Variants in WDFY3 observed in about 807,000 individuals in gnomAD.
WDFY3 encodes the protein WD repeat and FYVE domain containing 3, also known as WD repeat and FYVE domain-containing protein 3.
A neutral mutation model predicts 409.6 loss-of-function variants in WDFY3; 66 were observed. The ratio of observed to expected loss-of-function variants is 0.16; its 90% CI spans 0.13 to 0.20. The LOEUF (loss-of-function observed/expected upper bound fraction) is 0.20, where lower values mean the gene tolerates loss of function less well. Among genes scored for constraint, WDFY3 ranks in the 10% least tolerant of loss-of-function variants. The pLI, the probability that WDFY3 is intolerant of heterozygous loss-of-function variation, is 1.00. For synonymous variants in WDFY3, 1,521 were observed against 1,537.1 expected (o/e 0.99, Z 0.25); for missense variants, 3,031 against 4,298.1 (o/e 0.71, Z 8.24).
intron 5 of WDFY3, among the ~76,000 whole-genome samples, chr4:84,846,196 CA>C (rs1428174881): frequency 6.6e-6 from 1 of 151,804 alleles, no homozygotes; most frequent in Non-Finnish European, 1.5e-5. Context: ...ATGAATTTCA[CA>C]AGCTTAAAAC....
At chr4:84,791,153 G>C (rs1748448775) in intron 21 of WDFY3, among the ~76,000 whole-genome samples, 1 of 152,148 alleles carries the variant, frequency 6.6e-6, no homozygotes, top group South Asian at 2.1e-4. Context: ...AGAGGTATCA[G>C]TACTCCCCTG....
At chr4:84,800,365 T>C (rs1750295152) in intron 17 of WDFY3, among the ~76,000 whole-genome samples, 1 of 152,190 alleles carries the variant, frequency 6.6e-6, no homozygotes, top group Non-Finnish European at 1.5e-5. Flanking sequence ...CCCAGACTTT[T>C]GGAAGGGTGG....
At chr4:84,911,439 A>G (rs1767770248) in intron 2 of WDFY3, among the ~76,000 whole-genome samples, 1 of 152,148 alleles carries the variant, frequency 6.6e-6, no homozygotes, top group African/African-American at 2.4e-5. Context: ...GTGAGGTATA[A>G]TCGCACCACT....
At position 84,884,392 on chromosome 4, in the gene WDFY3, T is replaced by C. The variant is rs980352212; in HGVS notation, c.-32+12519A>G. Among the ~76,000 whole-genome samples the C allele has an allele frequency of 5.9e-5, 9 of 152,222 alleles. No individual in the cohort carries two copies. The East Asian group carries it at 1.2e-3, about 20-fold the overall frequency. ...ATTTAATATACACTTAGAGTATATA[T>C]ACACTTGTACTCTCAGACTTCAGAG... On this transcript the variant is annotated intron_variant, in intron 3 of 67. Coordinates refer to ENST00000295888, the MANE Select transcript of WDFY3 (RefSeq NM_014991.6).
intron 3 of WDFY3, among the ~76,000 whole-genome samples, chr4:84,893,094 T>C (rs1765157858): frequency 6.6e-6 from 1 of 152,154 alleles, no homozygotes; most frequent in African/African-American, 2.4e-5. Context: ...GGGAGAGTGT[T>C]AAGCTCTCAA....
chr4:84,868,549 C>CTATA (rs1243994739), intron 3 of WDFY3, among the ~76,000 whole-genome samples: 2 of 151,960 alleles, frequency 1.3e-5, no homozygotes, highest in Admixed American at 1.3e-4. Flanking sequence ...ACCCATCATA[C>CTATA]TATATATACC....
chr4:84,831,444 A>C lies in WDFY3; in HGVS notation c.738T>G (p.Gly246=), dbSNP rs577271728. The change falls in exon 8 of 68, where the codon GGT becomes GGG. Residue 246 remains glycine, a synonymous_variant. Coordinates refer to ENST00000295888, the MANE Select transcript of WDFY3 (RefSeq NM_014991.6). ...GEVLMTISRH[G]LSVNVVKYIH... ...TATACTTCACTACATTGACACTAAG[A>C]CCATGACGAGATATGGTCATGAGGA... The C allele has an allele frequency of 6.2e-7, 1 of 1,613,706 alleles. No homozygotes were observed. The highest frequency in any genetic ancestry group is 1.1e-5 in the South Asian group (1 of 91,020).
chr4:84,703,747 C>T (rs1183178570), intron 55 of WDFY3, among the ~76,000 whole-genome samples: 1 of 152,170 alleles, frequency 6.6e-6, no homozygotes, highest in Non-Finnish European at 1.5e-5. Flanking sequence ...TCCCACCTTG[C>T]CCAACCTCCT....
At chr4:84,949,638 CA>C (rs948315616) in intron 1 of WDFY3, among the ~76,000 whole-genome samples, 8 of 151,934 alleles carry the variant, frequency 5.3e-5, no homozygotes, top group Admixed American at 3.3e-4. Context: ...TCTTTAGTGC[CA>C]AAAAATGGGA....
At chr4:84,828,327 T>C (rs1035558503) in intron 9 of WDFY3, among the ~76,000 whole-genome samples, 3 of 152,262 alleles carry the variant, frequency 2.0e-5, no homozygotes, top group Admixed American at 6.5e-5. Context: ...ATTTGTTTCA[T>C]ATACACAGTT....
intron 32 of WDFY3, among the ~76,000 whole-genome samples, chr4:84,763,072 C>G (rs1742980094): frequency 6.6e-6 from 1 of 152,048 alleles, no homozygotes; most frequent in Non-Finnish European, 1.5e-5. Flanking sequence ...AAAAAACTGG[C>G]ATTCTCATTT....
chr4:84,783,858 TACATACACACACAC>T (rs999558353), intron 24 of WDFY3, among the ~76,000 whole-genome samples: 1 of 129,718 alleles, frequency 7.7e-6, no homozygotes, highest in Non-Finnish European at 1.6e-5. Flanking sequence ...ATATGTGTCA[TACATACACACACAC>T]ACACACACAC....
chr4:84,809,684 G>C (rs1752150639), intron 14 of WDFY3: 1 of 501,352 alleles, frequency 2.0e-6, no homozygotes, highest in Non-Finnish European at 3.4e-6. Flanking sequence ...TTTACAAATA[G>C]TACACAGGCT....
chr4:84,823,219 A>G (rs1754349340), intron 10 of WDFY3, among the ~76,000 whole-genome samples: 1 of 152,144 alleles, frequency 6.6e-6, no homozygotes, highest in Admixed American at 6.5e-5. Context: ...TTTTCAACAA[A>G]GGGTCTTGGC....
rs1421321088 is a variant in WDFY3 at position 84,700,512 on chromosome 4, GTT to G, written c.8596+1839_8596+1840del. On this transcript the variant is annotated intron_variant, in intron 56 of 67. Coordinates refer to ENST00000295888, the MANE Select transcript of WDFY3 (RefSeq NM_014991.6). ...AGCCACCATGCCTGGCCCAACCACT[GTT>G]TTTTAAAGTATGCTATTTCAAGGAG... is the stretch of plus-strand genomic sequence containing the variant. 6.6e-5 allele frequency among the ~76,000 whole-genome samples: 10 copies of G among 152,108 alleles called. No homozygotes were observed. In the East Asian group the frequency reaches 1.9e-3, roughly 29 times the overall value.
intron 14 of WDFY3, 103 bp from the exon 15 acceptor site, chr4:84,808,520 T>A: frequency 1.2e-6 from 1 of 863,408 alleles, no homozygotes; most frequent in Non-Finnish European, 1.9e-6. Context: ...AAAAGTTTAA[T>A]AAGGAACATC....
intron 64 of WDFY3, among the ~76,000 whole-genome samples, chr4:84,682,170 C>T (rs1160427867): frequency 6.6e-6 from 1 of 152,204 alleles, no homozygotes; most frequent in African/African-American, 2.4e-5. Flanking sequence ...AACCACAAGA[C>T]ACCACTACAC....
chr4:84,805,900 T>G (rs1300521457), intron 15 of WDFY3, among the ~76,000 whole-genome samples: 1 of 152,192 alleles, frequency 6.6e-6, no homozygotes, highest in Non-Finnish European at 1.5e-5. Flanking sequence ...TTATTCCTTC[T>G]GAATAATCAA....
chr4:84,724,362 T>C, intron 46 of WDFY3, 64 bp downstream of exon 46: 1 of 1,533,280 alleles, frequency 6.5e-7, no homozygotes, highest in Non-Finnish European at 8.8e-7. Context: ...CAAATTTTTG[T>C]ATGAATTCAA....
Sources: gnomAD v4.1 joint callset for allele counts (sites outside exome capture counted in the v4.1 genomes callset) on GRCh38, gnomAD v4.1.1 for gene constraint, MANE v1.5 for transcripts, NCBI Gene and HGNC (gene_info 2026-07-23, HGNC 2026-07-21) for gene names.